Variants in ST6GALNAC3 observed in about 807,000 individuals in gnomAD.
The protein encoded by ST6GALNAC3 is alpha-N-acetylgalactosaminide alpha-2,6-sialyltransferase 3.
Under a neutral mutation model 32.7 loss-of-function variants are expected in ST6GALNAC3, and 25 were observed. The observed-to-expected ratio is 0.76, with a 90% CI of 0.56 to 1.07. The LOEUF (loss-of-function observed/expected upper bound fraction) is 1.07. Ranked by LOEUF, ST6GALNAC3 falls within the 50% of genes least tolerant of loss-of-function variation. The pLI is 0.00. For synonymous variants in ST6GALNAC3, 129 were observed against 133.1 expected, an observed-to-expected ratio of 0.97 and a Z score of 0.21; for missense variants, 355 against 382.4, an observed-to-expected ratio of 0.93 and a Z score of 0.60.
chr1:76,625,742 A>C (rs1648928170), intron 3 of ST6GALNAC3, among the ~76,000 whole-genome samples: 1 of 151,878 alleles, frequency 6.6e-6, no homozygotes, highest in Admixed American at 6.6e-5. Flanking sequence ...ACTGTAGCTC[A>C]CTTCCCTGAG....
chr1:76,324,565 A>G (rs1052434418), intron 2 of ST6GALNAC3, among the ~76,000 whole-genome samples: 1 of 152,182 alleles, frequency 6.6e-6, no homozygotes. Context: ...CGTTCTACAG[A>G]ACACGTGATG....
chr1:76,329,331 T>A (rs1455261331), intron 2 of ST6GALNAC3, among the ~76,000 whole-genome samples: 1 of 152,192 alleles, frequency 6.6e-6, no homozygotes, highest in Non-Finnish European at 1.5e-5. Flanking sequence ...CCTGCCCCCA[T>A]AACCATTTTT....
rs1270076724 is a variant in ST6GALNAC3, at chr1:76,497,492, G to A, written c.623+85075G>A. 2.6e-5 allele frequency among the ~76,000 whole-genome samples: 4 copies of A among 152,152 alleles called. No individual in the cohort carries two copies. In the East Asian group the frequency reaches 7.7e-4, roughly 29 times the overall value. Reference sequence around the variant, plus strand: ...CTGCAAGAATGTGAAACTAAACAGTGGATCTGTGACTATTCACTTTCACTG... The same window carrying A: ...CTGCAAGAATGTGAAACTAAACAGTAGATCTGTGACTATTCACTTTCACTG... On this transcript the variant is annotated intron_variant, in intron 3 of 4. Transcript: ENST00000328299.
intron 1 of ST6GALNAC3, among the ~76,000 whole-genome samples, chr1:76,283,954 T>A (rs1391096133): frequency 6.6e-6 from 1 of 152,208 alleles, no homozygotes; most frequent in Non-Finnish European, 1.5e-5. Flanking sequence ...TAAGGGAACC[T>A]TTATCATTAT....
At chr1:76,410,869 A>T (rs1256154314) in intron 2 of ST6GALNAC3, among the ~76,000 whole-genome samples, 1 of 152,178 alleles carries the variant, frequency 6.6e-6, no homozygotes, top group Non-Finnish European at 1.5e-5. Flanking sequence ...AATGAAAAAG[A>T]TAGGCATTGT....
In ST6GALNAC3 at chr1:76,120,803, C is replaced by T. The variant is rs558262548; in HGVS notation, c.18+45919C>T. On this transcript the variant is annotated intron_variant, in intron 1 of 4. Transcript: ENST00000328299. ...GAACCCAGGTACATTAGTCCTATTG[C>T]TGCTGCAACAAATTACCACCGACAT... 1.3e-3 allele frequency among the ~76,000 whole-genome samples: 201 copies of T among 152,292 alleles called. 2 individuals carry two copies. The highest frequency in any genetic ancestry group is 3.4e-3 in the Middle Eastern group (1 of 294).
rs1649294577 is a variant in ST6GALNAC3, at chr1:76,631,442, TC to T, written c.*2637del. 1 of 152,052 alleles carries T rather than the reference TC, an allele frequency of 6.6e-6. No individual in the cohort carries two copies. The allele number at this position is 152,052 out of a possible 1,614,324, so 9.4% of individuals were successfully genotyped here. A position where few individuals can be genotyped will look rare whatever the true frequency, so the allele number is the denominator to read the frequency against. On this transcript the variant is annotated 3_prime_UTR_variant, in exon 5 of 5. Transcript: ENST00000328299. ...TTTTTCTTTGTTCCATCTTTCTAAT[TC>T]TAGTGAAAATGCAAAGTCTAATTTC...
At chr1:76,579,128 G>T (rs1299524508) in intron 3 of ST6GALNAC3, among the ~76,000 whole-genome samples, 1 of 152,004 alleles carries the variant, frequency 6.6e-6, no homozygotes, top group African/African-American at 2.4e-5. Context: ...TGATCTTTTG[G>T]ATACATGAAT....
chr1:76,552,243 C>T (rs547703879), intron 3 of ST6GALNAC3, among the ~76,000 whole-genome samples: 34 of 152,140 alleles, frequency 2.2e-4, no homozygotes, highest in Admixed American at 4.6e-4. Flanking sequence ...GACTCTCTCA[C>T]GGCTAGGATT....
At chr1:76,456,669 C>T (rs1057444484) in intron 3 of ST6GALNAC3, among the ~76,000 whole-genome samples, 1 of 152,144 alleles carries the variant, frequency 6.6e-6, no homozygotes, top group African/African-American at 2.4e-5. Context: ...ATGCTAAAAA[C>T]TCTCAATAAA....
intron 2 of ST6GALNAC3, among the ~76,000 whole-genome samples, chr1:76,389,631 T>G (rs1329089290): frequency 6.6e-6 from 1 of 152,236 alleles, no homozygotes; most frequent in Non-Finnish European, 1.5e-5. Context: ...TGTTTTTAAT[T>G]GATAACTGTG....
chr1:76,575,667 C>T (rs750100326), intron 3 of ST6GALNAC3, among the ~76,000 whole-genome samples: 1 of 151,988 alleles, frequency 6.6e-6, no homozygotes, highest in Non-Finnish European at 1.5e-5. Flanking sequence ...GAGCAACATA[C>T]TGAAGGAAAT....
chr1:76,586,874 G>T (rs1454760033), intron 3 of ST6GALNAC3, among the ~76,000 whole-genome samples: 5 of 152,170 alleles, frequency 3.3e-5, no homozygotes, highest in Non-Finnish European at 7.4e-5. Context: ...TGTTAAAAGT[G>T]AATCTATCCA....
chr1:76,520,371 A>G (rs1662445751), intron 3 of ST6GALNAC3, among the ~76,000 whole-genome samples: 1 of 152,138 alleles, frequency 6.6e-6, no homozygotes, highest in Non-Finnish European at 1.5e-5. Context: ...CAGAATTCCC[A>G]TTTTATAAAG....
intron 3 of ST6GALNAC3, among the ~76,000 whole-genome samples, chr1:76,587,582 G>A (rs543076772): frequency 5.3e-5 from 8 of 152,220 alleles, no homozygotes; most frequent in Admixed American, 1.3e-4. Context: ...CTTACTGGTT[G>A]AGTGACCTTG....
At chr1:76,281,228 T>C (rs1045329325) in intron 1 of ST6GALNAC3, among the ~76,000 whole-genome samples, 3 of 152,216 alleles carry the variant, frequency 2.0e-5, no homozygotes, top group Non-Finnish European at 4.4e-5. Flanking sequence ...GAAATCGATA[T>C]AGATTTTTTT....
At chr1:76,435,117 T>C (rs1054579764) in intron 3 of ST6GALNAC3, among the ~76,000 whole-genome samples, 25 of 152,180 alleles carry the variant, frequency 1.6e-4, no homozygotes, top group African/African-American at 6.0e-4. Context: ...ATAATTCATA[T>C]TTAGTACTCT....
At chr1:76,217,641 A>G (rs1008741728) in intron 1 of ST6GALNAC3, among the ~76,000 whole-genome samples, 9 of 152,152 alleles carry the variant, frequency 5.9e-5, no homozygotes, top group African/African-American at 9.7e-5. Flanking sequence ...ACTGTACCCA[A>G]TGTGTAGTCT....
At chr1:76,522,335 C>A (rs1662595339) in intron 3 of ST6GALNAC3, among the ~76,000 whole-genome samples, 1 of 151,892 alleles carries the variant, frequency 6.6e-6, no homozygotes, top group Non-Finnish European at 1.5e-5. Flanking sequence ...TGATACTTTT[C>A]TTCAATTTGG....
Sources: allele counts gnomAD v4.1 joint callset (sites outside exome capture counted in the v4.1 genomes callset), GRCh38; gene constraint gnomAD v4.1.1; transcripts MANE v1.5; gene names NCBI Gene and HGNC (gene_info 2026-07-23, HGNC 2026-07-21).